The following TMEM132C variants were observed in gnomAD, a reference collection of about 807,000 sequenced individuals.
The protein encoded by TMEM132C is transmembrane protein 132C, also known as protein phosphatase 1, regulatory subunit 152.
A neutral mutation model predicts 61.4 loss-of-function variants in TMEM132C; 29 were observed. That is an observed-to-expected ratio of 0.47 (90% CI 0.35 to 0.64). The LOEUF is 0.64. TMEM132C is among the 30% of genes least tolerant of loss of function. The pLI is 0.00. For synonymous variants in TMEM132C, 656 were observed against 633.1 expected (o/e 1.04, Z -0.54); for missense variants, 1,408 against 1,476.9 (o/e 0.95, Z 0.76).
rs116400163 is a variant in TMEM132C, at chr12:128,512,401, C to G, written c.975-31556C>G. Among the ~76,000 whole-genome samples, 649 of 152,288 alleles carry G rather than the reference C, an allele frequency of 4.3e-3. 4 individuals are homozygous for G. Among genetic ancestry groups the G allele is most frequent in the African/African-American group, 0.015 (631 of 41,560 alleles). On this transcript the variant is annotated intron_variant, in intron 2 of 8. Coordinates refer to ENST00000435159, the MANE Select transcript of TMEM132C (RefSeq NM_001136103.3). ...CTGTTTTGCTCCATTTTCCCCCTAACAATATGTCCTGGAGTTTTTTCCATA... is the reference window on the plus strand; with the variant it reads ...CTGTTTTGCTCCATTTTCCCCCTAAGAATATGTCCTGGAGTTTTTTCCATA...
intron 1 of TMEM132C, among the ~76,000 whole-genome samples, chr12:128,354,873 A>T (rs1043010134): frequency 6.6e-6 from 1 of 152,150 alleles, no homozygotes; most frequent in African/African-American, 2.4e-5. Flanking sequence ...CACAGACATT[A>T]TCACCAGGTA....
chr12:128,497,466 T>C (rs1347683466), intron 2 of TMEM132C, among the ~76,000 whole-genome samples: 1 of 152,190 alleles, frequency 6.6e-6, no homozygotes, highest in African/African-American at 2.4e-5. Context: ...CCTTGAGCTA[T>C]GGTGGGCTCC....
chr12:128,504,968 T>G (rs201397690), intron 2 of TMEM132C, among the ~76,000 whole-genome samples: 1 of 150,424 alleles, frequency 6.6e-6, no homozygotes. Context: ...TTTTGGGGAC[T>G]TTACTTACTA....
At chr12:128,401,504 T>A (rs1381652365) in intron 1 of TMEM132C, among the ~76,000 whole-genome samples, 1 of 152,202 alleles carries the variant, frequency 6.6e-6, no homozygotes, top group East Asian at 1.9e-4. Flanking sequence ...AGACGCAGAC[T>A]GGTATAGCTA....
chr12:128,624,131 A>G (rs1953992397), intron 4 of TMEM132C, among the ~76,000 whole-genome samples: 1 of 152,156 alleles, frequency 6.6e-6, no homozygotes, highest in Non-Finnish European at 1.5e-5. Context: ...AGAATAGTAT[A>G]GAAATTGGGC....
intron 3 of TMEM132C, among the ~76,000 whole-genome samples, chr12:128,601,072 G>A (rs182880877): frequency 2.5e-4 from 38 of 152,280 alleles, no homozygotes; most frequent in Admixed American, 8.5e-4. Flanking sequence ...AGTTTCTGTC[G>A]TCTGTGATAT....
Position 128,648,028 on chromosome 12 carries a change from A to G in TMEM132C, c.1306-21389A>G, listed in dbSNP as rs1166167904. Among the ~76,000 whole-genome samples, 12 of 130,506 alleles carry G rather than the reference A, an allele frequency of 9.2e-5. 1 individual carries two copies. Among genetic ancestry groups the G allele is most frequent in the Middle Eastern group, 5.5e-3 (1 of 182 alleles). 85.6% of individuals were successfully genotyped at this position (130,506 alleles called of 152,430 possible). ...AGTGTGTTTACTAGAGTCCATCAGC[A>G]TTGGATGTGAGTGTGTTTACTGGAG... is the stretch of plus-strand genomic sequence containing the variant. On this transcript the variant is annotated intron_variant, in intron 4 of 8. Coordinates refer to ENST00000435159, the MANE Select transcript of TMEM132C (RefSeq NM_001136103.3).
chr12:128,624,543 CAAAAAAAAAAAA>C (rs752979852), intron 4 of TMEM132C, among the ~76,000 whole-genome samples: 8 of 32,900 alleles, frequency 2.4e-4, no homozygotes, highest in Non-Finnish European at 1.3e-4. Flanking sequence ...GACTCCATCT[CAAAAAAAAAAAA>C]AAAAAAAAAA....
At chr12:128,645,889 T>C (rs1021252024) in intron 4 of TMEM132C, among the ~76,000 whole-genome samples, 3 of 151,284 alleles carry the variant, frequency 2.0e-5, no homozygotes, top group Non-Finnish European at 2.9e-5. Context: ...TTTACTGGAG[T>C]CTATCAGTGC....
intron 1 of TMEM132C, among the ~76,000 whole-genome samples, chr12:128,403,162 A>C (rs538519447): frequency 6.6e-6 from 1 of 152,258 alleles, no homozygotes; most frequent in Admixed American, 6.5e-5. Context: ...AAAGGAAACA[A>C]TGAGCCATAT....
intron 2 of TMEM132C, among the ~76,000 whole-genome samples, chr12:128,435,325 C>T (rs190261119): frequency 1.3e-5 from 2 of 152,252 alleles, no homozygotes; most frequent in African/African-American, 4.8e-5. Context: ...TTAAGAACCA[C>T]TGGTGTTTCA....
chr12:128,321,223 A>G (rs1022312574), intron 1 of TMEM132C, among the ~76,000 whole-genome samples: 3 of 151,754 alleles, frequency 2.0e-5, no homozygotes, highest in African/African-American at 4.8e-5. Flanking sequence ...GCTTAAGATT[A>G]AACATCTTGG....
chr12:128,267,417 T>A lies in TMEM132C; in HGVS notation c.15T>A (p.Gly5=). The change falls in exon 1 of 9, where the codon GGT becomes GGA. Residue 5 remains glycine, a synonymous_variant. Transcript: ENST00000435159. ...CGGGACGCAGGATGCGCTCCGAGGG[T>A]GCGGCCCCCGGGCCGGCGGCGCCGC... MRSE[G]AAPGPAAPLC... 8.2e-7 allele frequency: 1 copy of A among 1,225,770 alleles called. No homozygotes were observed. Among genetic ancestry groups the A allele is most frequent in the Non-Finnish European group, 1.0e-6 (1 of 985,240 alleles). 75.9% of individuals were successfully genotyped at this position (1,225,770 alleles called of 1,614,324 possible).
chr12:128,275,416 G>A (rs1193386), intron 1 of TMEM132C, among the ~76,000 whole-genome samples: 5,553 of 152,232 alleles, frequency 0.036, 81 homozygotes, highest in Non-Finnish European at 0.041. Flanking sequence ...AGAATCTAAT[G>A]CCTGATGATC....
chr12:128,579,796 G>T (rs138233293), intron 3 of TMEM132C, among the ~76,000 whole-genome samples: 273 of 152,320 alleles, frequency 1.8e-3, no homozygotes, highest in African/African-American at 6.4e-3. Flanking sequence ...GAGATGGGCT[G>T]ATTGATACTG....
chr12:128,607,690 C>G (rs1876476693), intron 3 of TMEM132C, among the ~76,000 whole-genome samples: 2 of 152,198 alleles, frequency 1.3e-5, no homozygotes, highest in South Asian at 4.1e-4. Context: ...GTGTTTACTC[C>G]TCACATGACG....
intron 1 of TMEM132C, among the ~76,000 whole-genome samples, chr12:128,413,297 T>TAAAAAA (rs1868629941): frequency 4.8e-4 from 1 of 2,062 alleles, no homozygotes; most frequent in Non-Finnish European, 3.1e-3. Context: ...AGACTCTGTC[T>TAAAAAA]CAAAAAAAAA....
chr12:128,577,256 A>T (rs753970414), intron 3 of TMEM132C, among the ~76,000 whole-genome samples: 3 of 152,246 alleles, frequency 2.0e-5, no homozygotes, highest in Non-Finnish European at 4.4e-5. Context: ...ATGTATCAGT[A>T]GTTCATTTCT....
chr12:128,701,305 C>T (rs974556222), intron 8 of TMEM132C, among the ~76,000 whole-genome samples: 2 of 151,436 alleles, frequency 1.3e-5, no homozygotes, highest in Non-Finnish European at 2.9e-5. Flanking sequence ...GCTGAATGGG[C>T]AGCCACCCAA....
Sources: allele counts gnomAD v4.1 joint callset (sites outside exome capture counted in the v4.1 genomes callset), GRCh38; gene constraint gnomAD v4.1.1; transcripts MANE v1.5; gene names NCBI Gene and HGNC (gene_info 2026-07-23, HGNC 2026-07-21).